Variants in SUCLG2 observed in about 807,000 individuals in gnomAD.
SUCLG2 encodes the protein succinate--CoA ligase [GDP-forming] subunit beta, mitochondrial.
SUCLG2 carries 42 observed loss-of-function variants against 47.9 expected under a neutral mutation model. The ratio of observed to expected loss-of-function variants is 0.88; its 90% CI spans 0.69 to 1.14. The LOEUF (loss-of-function observed/expected upper bound fraction) is 1.14. Ranked by LOEUF, SUCLG2 falls within the 50% of genes most tolerant of loss-of-function variation. The pLI is 0.00. For synonymous variants in SUCLG2, 195 were observed against 197.3 expected (o/e 0.99, Z 0.10); for missense variants, 571 against 525.9 (o/e 1.09, Z -0.84).
chr3:67,510,350 G>T (rs1269971744), intron 6 of SUCLG2, among the ~76,000 whole-genome samples: 1 of 152,050 alleles, frequency 6.6e-6, no homozygotes, highest in South Asian at 2.1e-4. Context: ...AGATATAAAC[G>T]AACCCACATA....
intron 2 of SUCLG2, among the ~76,000 whole-genome samples, chr3:67,608,378 T>C (rs567043711): frequency 1.3e-5 from 2 of 152,364 alleles, no homozygotes; most frequent in East Asian, 3.9e-4. Context: ...TGTGCTGCTA[T>C]CTCAGGTAAA....
chr3:67,551,280 T>C (rs1345844852), intron 2 of SUCLG2, among the ~76,000 whole-genome samples: 2 of 152,212 alleles, frequency 1.3e-5, no homozygotes, highest in African/African-American at 2.4e-5. Flanking sequence ...ATGTGTAAAA[T>C]GAGTACCTCT....
chr3:67,633,106 A>T (rs1700954181), intron 1 of SUCLG2, among the ~76,000 whole-genome samples: 1 of 152,218 alleles, frequency 6.6e-6, no homozygotes, highest in Non-Finnish European at 1.5e-5. Context: ...GGATGAAGGT[A>T]CAGGTAGTGC....
chr3:67,482,165 G>C (rs1179846072), intron 9 of SUCLG2, among the ~76,000 whole-genome samples: 1 of 151,600 alleles, frequency 6.6e-6, no homozygotes, highest in Non-Finnish European at 1.5e-5. Flanking sequence ...GAGTGACAGA[G>C]TGAGACTATC....
At chr3:67,423,525 C>T (rs1013321030) in intron 9 of SUCLG2, among the ~76,000 whole-genome samples, 1 of 152,136 alleles carries the variant, frequency 6.6e-6, no homozygotes, top group African/African-American at 2.4e-5. Flanking sequence ...CTCCCAACAT[C>T]CACCAACTTC....
chr3:67,546,532 C>G (rs921327502), intron 2 of SUCLG2, among the ~76,000 whole-genome samples: 2 of 152,090 alleles, frequency 1.3e-5, no homozygotes. Flanking sequence ...GCCAGGAGTT[C>G]GAGACCAGCC....
chr3:67,549,681 G>C (rs777637639), intron 2 of SUCLG2, among the ~76,000 whole-genome samples: 3 of 152,166 alleles, frequency 2.0e-5, no homozygotes, highest in Non-Finnish European at 4.4e-5. Flanking sequence ...GACCTGGTAA[G>C]AGGAGTAACA....
intron 2 of SUCLG2, among the ~76,000 whole-genome samples, chr3:67,608,824 T>C (rs1331579775): frequency 6.6e-6 from 1 of 152,032 alleles, no homozygotes; most frequent in Non-Finnish European, 1.5e-5. Context: ...ACTACAGGCA[T>C]ACACCACCAT....
intron 10 of SUCLG2, among the ~76,000 whole-genome samples, chr3:67,395,046 C>T (rs1476872825): frequency 1.1e-4 from 16 of 152,044 alleles, no homozygotes; most frequent in Admixed American, 3.3e-4. Flanking sequence ...AAGGAACAAC[C>T]GGTACCAGCC....
chr3:67,393,486 C>T (rs1198788807), intron 10 of SUCLG2, among the ~76,000 whole-genome samples: 2 of 152,186 alleles, frequency 1.3e-5, no homozygotes, highest in Non-Finnish European at 2.9e-5. Context: ...CCTGCCATGG[C>T]CCAGGCTTGC....
At chr3:67,529,766 G>T (rs1267114611) in intron 2 of SUCLG2, among the ~76,000 whole-genome samples, 1 of 152,176 alleles carries the variant, frequency 6.6e-6, no homozygotes, top group African/African-American at 2.4e-5. Flanking sequence ...AAAATCATTG[G>T]CAAGGTAACA....
chr3:67,499,640 T>C (rs1415136421), intron 7 of SUCLG2, among the ~76,000 whole-genome samples: 1 of 152,156 alleles, frequency 6.6e-6, no homozygotes, highest in Admixed American at 6.6e-5. Flanking sequence ...GGTATCTGGG[T>C]ATCTGACCCC....
In SUCLG2 at chr3:67,520,557, G is replaced by A. The variant is rs200035351; in HGVS notation, c.495C>T (p.Pro165=). ...CCCCCTGGGGGCTGCCCACCAGCAC[G>A]GGGCCATTGCAGGACCGGTCCATCA... is the stretch of plus-strand genomic sequence containing the variant. ...AILMDRSCNG[P]VLVGSPQGGV... Residue 165 remains proline (P), a synonymous_variant, in exon 5 of 11, where the codon CCC becomes CCT. Coordinates refer to ENST00000307227, the MANE Select transcript of SUCLG2 (RefSeq NM_003848.4). 6.8e-5 allele frequency: 109 copies of A among 1,614,132 alleles called. No homozygotes were observed. In the African/African-American group the frequency reaches 6.8e-4, roughly 10 times the overall value.
chr3:67,625,118 C>A (rs921494886), intron 1 of SUCLG2, among the ~76,000 whole-genome samples: 10 of 152,202 alleles, frequency 6.6e-5, no homozygotes, highest in Non-Finnish European at 1.2e-4. Context: ...GATATTGCTA[C>A]AAGCTAACAA....
At chr3:67,516,648 G>T (rs1440470963) in intron 6 of SUCLG2, among the ~76,000 whole-genome samples, 2 of 152,212 alleles carry the variant, frequency 1.3e-5, no homozygotes, top group Admixed American at 1.3e-4. Context: ...AATAAAAATA[G>T]ATGCCAAGCA....
intron 1 of SUCLG2, among the ~76,000 whole-genome samples, chr3:67,647,791 G>A (rs371883228): frequency 3.3e-5 from 5 of 152,108 alleles, no homozygotes; most frequent in Non-Finnish European, 7.4e-5. Context: ...ATCAGAGCCC[G>A]GGAGGCAGAT....
intron 9 of SUCLG2, among the ~76,000 whole-genome samples, chr3:67,409,693 C>G (rs540749784): frequency 1.3e-5 from 2 of 151,946 alleles, no homozygotes; most frequent in Admixed American, 6.6e-5. Context: ...AAGAAAATAT[C>G]AGGCAGTAAA....
chr3:67,520,697 A>T, intron 4 of SUCLG2, 63 bp from the exon 5 acceptor site: 3 of 1,532,814 alleles, frequency 2.0e-6, no homozygotes, highest in Non-Finnish European at 2.6e-6. Flanking sequence ...TTGGAAATCT[A>T]TACAAACTTG....
At chr3:67,603,182 T>C (rs1708457416) in intron 2 of SUCLG2, among the ~76,000 whole-genome samples, 1 of 152,192 alleles carries the variant, frequency 6.6e-6, no homozygotes, top group African/African-American at 2.4e-5. Flanking sequence ...CAAAAATCAA[T>C]GTTATCCTTG....
Sources: allele counts gnomAD v4.1 joint callset (sites outside exome capture counted in the v4.1 genomes callset), GRCh38; gene constraint gnomAD v4.1.1; transcripts MANE v1.5; gene names NCBI Gene and HGNC (gene_info 2026-07-23, HGNC 2026-07-21).